The following BICD1 variants were observed in gnomAD, a reference collection of about 807,000 sequenced individuals.
BICD1 encodes the protein BICD cargo adaptor 1, also known as protein bicaudal D homolog 1.
A neutral mutation model predicts 92.5 loss-of-function variants in BICD1; 35 were observed. That is an observed-to-expected ratio of 0.38 (90% CI 0.29 to 0.50). The LOEUF is 0.50. Among genes scored for constraint, BICD1 ranks in the 20% least tolerant of loss-of-function variants. The probability of loss-of-function intolerance (pLI) is 0.93; values close to 1 mark genes in which losing one functional copy is unlikely to be tolerated. For synonymous variants in BICD1, 429 were observed against 465.1 expected, an observed-to-expected ratio of 0.92 and a Z score of 1.00; for missense variants, 950 against 1,189.8, an observed-to-expected ratio of 0.80 and a Z score of 2.97.
intron 1 of BICD1, among the ~76,000 whole-genome samples, chr12:32,184,293 T>A (rs773432667): frequency 2.6e-5 from 4 of 152,166 alleles, no homozygotes; most frequent in African/African-American, 4.8e-5. Flanking sequence ...GGAAAATAAT[T>A]GTTTTCTTTT....
chr12:32,178,721 A>G (rs978288410), intron 1 of BICD1, among the ~76,000 whole-genome samples: 16 of 152,090 alleles, frequency 1.1e-4, no homozygotes, highest in African/African-American at 3.6e-4. Flanking sequence ...TGACTTAGCA[A>G]TATTAAAACC....
At chr12:32,332,111 T>C (rs907924371) in intron 5 of BICD1, among the ~76,000 whole-genome samples, 1 of 152,086 alleles carries the variant, frequency 6.6e-6, no homozygotes, top group Non-Finnish European at 1.5e-5. Context: ...CTTAGCAAAC[T>C]AACACAGGAA....
intron 1 of BICD1, among the ~76,000 whole-genome samples, chr12:32,182,247 A>G (rs1449753828): frequency 9.2e-6 from 1 of 108,324 alleles, no homozygotes; most frequent in Admixed American, 8.9e-5. Flanking sequence ...TCTGTATTGT[A>G]TTGTTTTCTT....
At chr12:32,302,312 C>T (rs77531879) in intron 3 of BICD1, among the ~76,000 whole-genome samples, 1,625 of 152,278 alleles carry the variant, frequency 0.011, 35 homozygotes, top group African/African-American at 0.037. Flanking sequence ...TAAAGCACAT[C>T]TATAGGCTCG....
chr12:32,311,963 G>C (rs1011297419), intron 4 of BICD1, among the ~76,000 whole-genome samples: 38 of 152,034 alleles, frequency 2.5e-4, no homozygotes, highest in African/African-American at 8.7e-4. Context: ...TGATATACAG[G>C]GTTAAATAAA....
intron 1 of BICD1, chr12:32,108,889 G>T: frequency 2.1e-6 from 1 of 481,558 alleles, no homozygotes; most frequent in African/African-American, 1.9e-5. Flanking sequence ...AGCTGGACTT[G>T]TTTATATTTT....
chr12:32,188,024 C>T (rs1214561957), intron 1 of BICD1, among the ~76,000 whole-genome samples: 10 of 152,020 alleles, frequency 6.6e-5, no homozygotes, highest in African/African-American at 1.7e-4. Flanking sequence ...CTGCAACCTC[C>T]GCCTCCCGGG....
chr12:32,318,161 G>A (rs927610516), intron 4 of BICD1, among the ~76,000 whole-genome samples: 3 of 152,074 alleles, frequency 2.0e-5, no homozygotes, highest in African/African-American at 7.2e-5. Context: ...CTCCAGCTTT[G>A]TTCTTTTGGC....
At chr12:32,317,882 T>G (rs1222488076) in intron 4 of BICD1, among the ~76,000 whole-genome samples, 3 of 152,062 alleles carry the variant, frequency 2.0e-5, no homozygotes, top group African/African-American at 7.2e-5. Flanking sequence ...TTGAATTAAT[T>G]TTTGTATAAG....
At position 32,214,833 on chromosome 12, in the gene BICD1, T is replaced by C. The variant is rs936870416; in HGVS notation, c.214-1414T>C. Among the ~76,000 whole-genome samples, 7 of 152,228 alleles carry C rather than the reference T, an allele frequency of 4.6e-5. No homozygotes were observed. In the East Asian group the frequency reaches 9.6e-4, roughly 21 times the overall value. On this transcript the variant is annotated intron_variant, in intron 1 of 9. Coordinates refer to ENST00000652176, the MANE Select transcript of BICD1 (RefSeq NM_001714.4). ...TAATACAGCTAGGTTCTTTTGTTAC[T>C]GTTCGTGTTCCATTTTGGGTTCCCC...
chr12:32,312,009 GA>G (rs1161260605), intron 4 of BICD1, among the ~76,000 whole-genome samples: 2 of 152,186 alleles, frequency 1.3e-5, no homozygotes, highest in East Asian at 1.9e-4. Context: ...TGTAGGGCAT[GA>G]ACTCCCCAGA....
chr12:32,261,103 T>C (rs1193088468), intron 2 of BICD1, among the ~76,000 whole-genome samples: 1 of 152,202 alleles, frequency 6.6e-6, no homozygotes, highest in Non-Finnish European at 1.5e-5. Context: ...AGGATGGTCA[T>C]GGGGACTTTG....
At chr12:32,239,221 T>G (rs1592535446) in intron 2 of BICD1, among the ~76,000 whole-genome samples, 1 of 129,668 alleles carries the variant, frequency 7.7e-6, no homozygotes, top group African/African-American at 2.9e-5. Flanking sequence ...CACTGTAGCC[T>G]GGGTGACAGA....
In BICD1 at chr12:32,378,960, A is replaced by G. The variant is rs971164775; in HGVS notation, c.*1333A>G. Reference sequence around the variant, plus strand: ...GCACATAATCTGACAAACAAGGAAAACAGCTAACTGAGCTGAAAGGTCTAA... The same window carrying G: ...GCACATAATCTGACAAACAAGGAAAGCAGCTAACTGAGCTGAAAGGTCTAA... On this transcript the variant is annotated 3_prime_UTR_variant, in exon 10 of 10. Coordinates refer to ENST00000652176, the MANE Select transcript of BICD1 (RefSeq NM_001714.4). 2 of 152,250 alleles carry G rather than the reference A, an allele frequency of 1.3e-5. No individual in the cohort carries two copies. Among genetic ancestry groups the G allele is most frequent in the Non-Finnish European group, 2.9e-5 (2 of 68,042 alleles). 9.4% of individuals were successfully genotyped at this position (152,250 alleles called of 1,614,324 possible). A position where few individuals can be genotyped will look rare whatever the true frequency, so the allele number is the denominator to read the frequency against.
chr12:32,173,183 G>A (rs1943999753), intron 1 of BICD1, among the ~76,000 whole-genome samples: 2 of 152,088 alleles, frequency 1.3e-5, no homozygotes, highest in African/African-American at 4.8e-5. Flanking sequence ...GAGTAGCTGG[G>A]ACTAAGGCTC....
intron 6 of BICD1, among the ~76,000 whole-genome samples, chr12:32,334,938 A>G (rs1434526477): frequency 6.6e-6 from 1 of 152,142 alleles, no homozygotes; most frequent in Non-Finnish European, 1.5e-5. Flanking sequence ...TGTTTCTAGA[A>G]TTTATGCACC....
At chr12:32,342,128 A>ATATATATATGGGTG (rs1938391008) in intron 8 of BICD1, among the ~76,000 whole-genome samples, 1 of 102,738 alleles carries the variant, frequency 9.7e-6, no homozygotes, top group South Asian at 3.1e-4. Context: ...ATATATATGT[A>ATATATATATGGGTG]TATATATATG....
At chr12:32,254,480 A>G (rs994272512) in intron 2 of BICD1, among the ~76,000 whole-genome samples, 1 of 152,250 alleles carries the variant, frequency 6.6e-6, no homozygotes, top group African/African-American at 2.4e-5. Flanking sequence ...AGAAAATTTA[A>G]ATCTCTTAAC....
At chr12:32,270,023 G>A (rs1481508970) in intron 2 of BICD1, among the ~76,000 whole-genome samples, 1 of 151,506 alleles carries the variant, frequency 6.6e-6, no homozygotes, top group Admixed American at 6.6e-5. Context: ...TCGGGAGGCC[G>A]AGGCAGGAGA....
Sources: allele counts gnomAD v4.1 joint callset (sites outside exome capture counted in the v4.1 genomes callset), GRCh38; gene constraint gnomAD v4.1.1; transcripts MANE v1.5; gene names NCBI Gene and HGNC (gene_info 2026-07-23, HGNC 2026-07-21).